CFAP100: variants seen among roughly 807,000 people sequenced by gnomAD.
CFAP100 encodes the protein cilia and flagella associated protein 100.
CFAP100 carries 70 observed loss-of-function variants against 81.5 expected under a neutral mutation model. That is an observed-to-expected ratio of 0.86 (90% CI 0.71 to 1.05). The LOEUF is 1.05. CFAP100 is among the 50% of genes least tolerant of loss of function. The pLI, the probability that CFAP100 is intolerant of heterozygous loss-of-function variation, is 0.00. For synonymous variants in CFAP100, 341 were observed against 314.8 expected (o/e 1.08, Z -0.88); for missense variants, 811 against 776.5 (o/e 1.04, Z -0.53).
chr3:126,395,759 A>G (rs2082878223), intron 1 of CFAP100, among the ~76,000 whole-genome samples, 183 bp from the exon 2 acceptor site: 1 of 152,226 alleles, frequency 6.6e-6, no homozygotes, highest in Non-Finnish European at 1.5e-5. Context: ...AAGCACAGAA[A>G]AAGTAGGCAG....
chr3:126,425,850 C>T (rs2083396182), intron 13 of CFAP100, among the ~76,000 whole-genome samples: 1 of 152,072 alleles, frequency 6.6e-6, no homozygotes, highest in Admixed American at 6.5e-5. Flanking sequence ...GAACACAATC[C>T]AACATCCACT....
chr3:126,419,568 G>A (rs754205392), intron 8 of CFAP100, 69 bp from the exon 9 acceptor site: 171 of 1,455,350 alleles, frequency 1.2e-4, no homozygotes, highest in Middle Eastern at 2.2e-4. Flanking sequence ...GGGTGGCCCC[G>A]GCATGGGGAC....
At chr3:126,418,333 G>A (rs1465948638) in intron 5 of CFAP100, 125 bp from the exon 6 acceptor site, 2 of 760,066 alleles carry the variant, frequency 2.6e-6, no homozygotes, top group Non-Finnish European at 4.5e-6. Flanking sequence ...CATGGTCCCG[G>A]TAGTCACCTG....
At chr3:126,415,556 C>T (rs932706236) in intron 4 of CFAP100, among the ~76,000 whole-genome samples, 9 of 152,104 alleles carry the variant, frequency 5.9e-5, no homozygotes, top group Non-Finnish European at 1.3e-4. Flanking sequence ...GACGTGCATT[C>T]CAGGGGCCTC....
chr3:126,423,181 G>A (rs1472878256), intron 11 of CFAP100, 144 bp from the exon 12 acceptor site: 2 of 632,532 alleles, frequency 3.2e-6, no homozygotes, highest in African/African-American at 3.7e-5. Flanking sequence ...GAGGAAGCTG[G>A]TGCTGCCCTC....
At chr3:126,396,800 A>G (rs1233183811) in intron 2 of CFAP100, 3 of 152,232 alleles carry the variant, frequency 2.0e-5, no homozygotes, top group Non-Finnish European at 4.4e-5. Context: ...TGCATTTGCC[A>G]AGATCTCACA....
At chr3:126,433,904 G>A (rs1378926737) in intron 14 of CFAP100, 1 of 463,182 alleles carries the variant, frequency 2.2e-6, no homozygotes, top group Non-Finnish European at 3.9e-6. Flanking sequence ...TTCCCTGGAG[G>A]AGGGGACTGG....
intron 16 of CFAP100, 64 bp downstream of exon 16, chr3:126,435,716 G>A: frequency 7.5e-7 from 1 of 1,332,642 alleles, no homozygotes; most frequent in Non-Finnish European, 1.1e-6. Flanking sequence ...GGCAGCTGAG[G>A]TCCTGCAGCC....
rs746431953 is a variant in CFAP100 at position 126,420,242 on chromosome 3, G to A, written c.1082+13G>A. On this transcript the variant is annotated intron_variant, in intron 11 of 16. Coordinates refer to ENST00000352312, the MANE Select transcript of CFAP100 (RefSeq NM_182628.3). ...GCGACTCCAGAGGGTGAGTGGGCTCGGGTGGTTGGGAGGGGCTGAGGCCTA... is the reference window on the plus strand; with the variant it reads ...GCGACTCCAGAGGGTGAGTGGGCTCAGGTGGTTGGGAGGGGCTGAGGCCTA... 1.3e-5 allele frequency: 19 copies of A among 1,457,032 alleles called. No homozygotes were observed. In the African/African-American group the frequency reaches 1.8e-4, roughly 14 times the overall value. 90.3% of individuals were successfully genotyped at this position (1,457,032 alleles called of 1,614,324 possible).
At position 126,416,327 on chromosome 3, in the gene CFAP100, G is replaced by C; in HGVS notation, c.237G>C (p.Gln79His). 6.3e-7 allele frequency: 1 copy of C among 1,592,924 alleles called. No individual in the cohort carries two copies. Among genetic ancestry groups the C allele is most frequent in the African/African-American group, 1.3e-5 (1 of 74,386 alleles). Residue 79 changes from glutamine to histidine, a missense_variant, in exon 5 of 17, where the codon CAG becomes CAC. Physicochemically the swap from Gln to His is conservative, Grantham distance 24 (BLOSUM62 0). Coordinates refer to ENST00000352312, the MANE Select transcript of CFAP100 (RefSeq NM_182628.3). ...CCCGACGCCCCCAGGAACGGCAGCAGCAGAAGACGATGCGGGTGCACCAGA... is the reference window on the plus strand; with the variant it reads ...CCCGACGCCCCCAGGAACGGCAGCACCAGAAGACGATGCGGGTGCACCAGA... ...ERNKALSERQ[Q>H]QKTMRVHQKM...
At chr3:126,404,413 G>A (rs1305587792) in intron 2 of CFAP100, among the ~76,000 whole-genome samples, 1 of 152,334 alleles carries the variant, frequency 6.6e-6, no homozygotes, top group Non-Finnish European at 1.5e-5. Flanking sequence ...AAAGCTTTGG[G>A]AAGTTTAGCA....
Position 126,435,667 on chromosome 3 carries a change from C to T in CFAP100, c.1722+15C>T, listed in dbSNP as rs1471999630. On this transcript the variant is annotated intron_variant, in intron 16 of 16. Coordinates refer to ENST00000352312, the MANE Select transcript of CFAP100 (RefSeq NM_182628.3). ...TCAAGAAGAAGGTAGGCAGGGTCGC[C>T]TTGGGGGGTCTCTGCTGGAGGGGGT... 6.2e-7 allele frequency: 1 copy of T among 1,604,942 alleles called. No homozygotes were observed. The highest frequency in any genetic ancestry group is 8.5e-7 in the Non-Finnish European group (1 of 1,173,872).
chr3:126,429,726 T>C (rs1933129464), intron 13 of CFAP100, among the ~76,000 whole-genome samples: 1 of 151,800 alleles, frequency 6.6e-6, no homozygotes, highest in Non-Finnish European at 1.5e-5. Context: ...AACCTCTGAA[T>C]GTAACCATTT....
At chr3:126,402,786 C>G (rs936111043) in intron 2 of CFAP100, among the ~76,000 whole-genome samples, 1 of 151,408 alleles carries the variant, frequency 6.6e-6, no homozygotes, top group Non-Finnish European at 1.5e-5. Context: ...AATATGCCTG[C>G]CTTCCAGGAG....
chr3:126,403,151 G>A (rs1358429507), intron 2 of CFAP100, among the ~76,000 whole-genome samples: 4 of 152,146 alleles, frequency 2.6e-5, no homozygotes, highest in Admixed American at 1.3e-4. Context: ...ACTCCCAGCC[G>A]AGACTCTGAA....
intron 3 of CFAP100, 79 bp downstream of exon 3, chr3:126,407,331 C>G: frequency 1.1e-6 from 1 of 893,186 alleles, no homozygotes. Flanking sequence ...TCCCCTCAGA[C>G]CAGGTCTCTA....
chr3:126,429,789 T>G (rs1007756906), intron 13 of CFAP100, among the ~76,000 whole-genome samples: 1 of 152,196 alleles, frequency 6.6e-6, no homozygotes, highest in African/African-American at 2.4e-5. Context: ...GCTTTCGTGT[T>G]GGTATTTAGT....
intron 4 of CFAP100, among the ~76,000 whole-genome samples, chr3:126,414,893 G>A (rs1576629540): frequency 6.6e-6 from 1 of 152,140 alleles, no homozygotes; most frequent in Admixed American, 6.5e-5. Context: ...AGGGCTCAGC[G>A]TCTCTGAGAT....
rs574956162 is a variant in CFAP100 at position 126,423,588 on chromosome 3, G to C, written c.1230G>C (p.Glu410Asp). Residue 410 changes from glutamate (E) to aspartate (D), a missense_variant, in exon 13 of 17, where the codon GAG becomes GAC. Coordinates refer to ENST00000352312, the MANE Select transcript of CFAP100 (RefSeq NM_182628.3). ...TGTCGCTGATCCAGAACAGCCAGGA[G>C]ACGGAGAAGACCCTGGAGGAGCTGA... ...QNLSLIQNSQ[E>D]TEKTLEELSH... is the part of the protein sequence containing the mutation. 6.2e-7 allele frequency: 1 copy of C among 1,612,310 alleles called. No homozygotes were observed. Among genetic ancestry groups the C allele is most frequent in the Admixed American group, 1.7e-5 (1 of 59,930 alleles).
Sources: gnomAD v4.1 joint callset for allele counts (sites outside exome capture counted in the v4.1 genomes callset) on GRCh38, gnomAD v4.1.1 for gene constraint, MANE v1.5 for transcripts, NCBI Gene and HGNC (gene_info 2026-07-23, HGNC 2026-07-21) for gene names.